AARS2: variants seen among roughly 807,000 people sequenced by gnomAD.
AARS2 encodes alanine--tRNA ligase, mitochondrial.
AARS2 carries 78 observed loss-of-function variants against 119.7 expected under a neutral mutation model. The ratio of observed to expected loss-of-function variants is 0.65; its 90% CI spans 0.54 to 0.79. The LOEUF is 0.79. Among genes scored for constraint, AARS2 ranks in the 30% least tolerant of loss-of-function variants. The probability of loss-of-function intolerance (pLI) is 0.00; values close to 1 mark genes in which losing one functional copy is unlikely to be tolerated. For synonymous variants in AARS2, 502 were observed against 526.3 expected, an observed-to-expected ratio of 0.95 and a Z score of 0.63; for missense variants, 1,157 against 1,291.3, an observed-to-expected ratio of 0.90 and a Z score of 1.59.
chr6:44,312,355 G>A (rs1786435834), intron 1 of AARS2, 92 bp from the exon 2 acceptor site: 1 of 1,332,498 alleles, frequency 7.5e-7, no homozygotes. Flanking sequence ...TGGCTGTTCA[G>A]ACCGAAGGCT....
chr6:44,300,866 G>A lies in AARS2; in HGVS notation c.2794-155C>T, dbSNP rs915992813. 31 of 1,015,002 alleles carry A rather than the reference G, an allele frequency of 3.1e-5. No individual in the cohort carries two copies. The East Asian group carries it at 7.8e-4, about 26-fold the overall frequency. 62.9% of individuals were successfully genotyped at this position (1,015,002 alleles called of 1,614,324 possible). Reference sequence around the variant, plus strand: ...TCAGGTGATGAGCCGGAGAAGGTTTGGGCTGGAAATGTGTGTGGGGAGGTG... The same window carrying A: ...TCAGGTGATGAGCCGGAGAAGGTTTAGGCTGGAAATGTGTGTGGGGAGGTG... On this transcript the variant is annotated intron_variant, in intron 21 of 21. Transcript: ENST00000244571.
intron 2 of AARS2, 105 bp downstream of exon 2, chr6:44,311,967 C>T: frequency 7.2e-7 from 1 of 1,396,372 alleles, no homozygotes; most frequent in South Asian, 1.2e-5. Flanking sequence ...TCAACTAGCA[C>T]TTTGCCTCCA....
intron 5 of AARS2, among the ~76,000 whole-genome samples, chr6:44,308,340 C>T (rs1475391214): frequency 6.6e-6 from 1 of 152,070 alleles, no homozygotes; most frequent in Admixed American, 6.5e-5. Context: ...GAGTTTGAGA[C>T]CAGCCTGGCC....
chr6:44,306,944 T>C lies in AARS2; in HGVS notation c.1128A>G (p.Val376=). The change falls in exon 7 of 22, where the codon GTA becomes GTG. Residue 376 remains valine, a synonymous_variant. Coordinates refer to ENST00000244571, the MANE Select transcript of AARS2 (RefSeq NM_020745.4). ...KAPPGFLGSL[V]PVVVETLGDA... The stretch of plus-strand genomic sequence containing the variant: ...TTACCAGTGTCTCCACCACTACAGG[T>C]ACCAGGCTGCCTAGGAAGCCAGGTG... 2 of 1,613,868 alleles carry C rather than the reference T, an allele frequency of 1.2e-6. No homozygotes were observed. The highest frequency in any genetic ancestry group is 8.5e-7 in the Non-Finnish European group (1 of 1,179,820).
chr6:44,301,036 C>T, intron 21 of AARS2, 120 bp downstream of exon 21: 6 of 945,718 alleles, frequency 6.3e-6, no homozygotes, highest in Non-Finnish European at 9.6e-6. Flanking sequence ...CCTGGAGTAT[C>T]CTCATAGATA....
chr6:44,312,830 C>T (rs1786480993), intron 1 of AARS2, among the ~76,000 whole-genome samples: 1 of 152,160 alleles, frequency 6.6e-6, no homozygotes, highest in Non-Finnish European at 1.5e-5. Context: ...AGACTTCTCC[C>T]TCGGGATTCC....
At position 44,303,367 on chromosome 6, in the gene AARS2, C is replaced by T. The variant is rs1785528776; in HGVS notation, c.2064G>A (p.Val688=). The T allele has an allele frequency of 6.2e-7, 1 of 1,613,898 alleles. No homozygotes were observed. Among genetic ancestry groups the T allele is most frequent in the African/African-American group, 1.3e-5 (1 of 74,926 alleles). Residue 688 remains valine, a synonymous_variant, in exon 15 of 22, where the codon GTG becomes GTA. Transcript: ENST00000244571. ...RAVENTVQEA[V]GQDEAVYMEE... ...CCATGTACACAGCCTCATCCTGCCC[C>T]ACGGCCTCCTGCACAGTGTTCTCCA...
At chr6:44,304,841 T>A in intron 11 of AARS2, 24 bp from the exon 12 acceptor site, 1 of 1,613,860 alleles carries the variant, frequency 6.2e-7, no homozygotes. Context: ...GAATGGTTAT[T>A]AGTGGTGGGC....
intron 21 of AARS2, 55 bp from the exon 22 acceptor site, chr6:44,300,766 C>CCA: frequency 6.3e-7 from 1 of 1,591,262 alleles, no homozygotes; most frequent in Non-Finnish European, 8.5e-7. Context: ...CTGCCAGCAT[C>CCA]CACTCAAGGT....
Position 44,305,928 on chromosome 6 carries a change from C to T in AARS2, c.1301-142G>A, listed in dbSNP as rs116119977. ...ATACCCGCTCCATACTGGGTAGCCT[C>T]AGGAGAGGGGTCACATTCAGGCTTC... On this transcript the variant is annotated intron_variant, in intron 9 of 21. Coordinates refer to ENST00000244571, the MANE Select transcript of AARS2 (RefSeq NM_020745.4). The surrounding 1 kb of genome is among the most constrained non-coding windows in gnomAD (Gnocchi z 4.6). The T allele has an allele frequency of 7.2e-5, 76 of 1,058,758 alleles. No homozygotes were observed. The African/African-American group carries it at 1.1e-3, about 16-fold the overall frequency. The allele number at this position is 1,058,758 out of a possible 1,614,324, so 65.6% of individuals were successfully genotyped here.
intron 4 of AARS2, 39 bp from the exon 5 acceptor site, chr6:44,310,482 G>T: frequency 6.2e-7 from 1 of 1,610,050 alleles, no homozygotes; most frequent in Non-Finnish European, 8.5e-7. Flanking sequence ...CCCCACCCAG[G>T]ATTACAGGTG....
chr6:44,301,361 C>G lies in AARS2; in HGVS notation c.2682+20G>C. 6.2e-7 allele frequency: 1 copy of G among 1,613,974 alleles called. No individual in the cohort carries two copies. The highest frequency in any genetic ancestry group is 8.5e-7 in the Non-Finnish European group (1 of 1,179,998). Reference sequence around the variant, plus strand: ...TGCCCTCCCCAGACCCTGGGGCAGCCCGGCTTGGCTAGCACTCACTGAGAG... The same window carrying G: ...TGCCCTCCCCAGACCCTGGGGCAGCGCGGCTTGGCTAGCACTCACTGAGAG... On this transcript the variant is annotated intron_variant, in intron 20 of 21. Coordinates refer to ENST00000244571, the MANE Select transcript of AARS2 (RefSeq NM_020745.4).
At chr6:44,304,017 C>A (rs537969397) in intron 14 of AARS2, among the ~76,000 whole-genome samples, 164 bp downstream of exon 14, 1 of 152,332 alleles carries the variant, frequency 6.6e-6, no homozygotes, top group South Asian at 2.1e-4. Flanking sequence ...CTCACTGCTG[C>A]ACAAGGAGCC....
chr6:44,302,867 C>G lies in AARS2; in HGVS notation c.2299G>C (p.Gly767Arg). Reference protein sequence around the residue: ...TGAVGDLVIIGDRQLSKGTTR... With the variant: ...TGAVGDLVIIRDRQLSKGTTR... ...GTGCCCTTGGAAAGCTGGCGGTCCC[C>G]GATGATAACCAGGTCCCCTACAGCC... Residue 767 changes from glycine (G) to arginine (R), a missense_variant, in exon 17 of 22, where the codon GGG becomes CGG. Coordinates refer to ENST00000244571, the MANE Select transcript of AARS2 (RefSeq NM_020745.4). 1 of 1,614,132 alleles carries G rather than the reference C, an allele frequency of 6.2e-7. No homozygotes were observed.
Position 44,312,166 on chromosome 6 carries a change from T to C in AARS2, c.341A>G (p.His114Arg). ...ACCCACATCTTCCAGGTCGTTATGG[T>C]GTCCTCCAGCTCTCACACATTTCTG... ...NSQKCVRAGGHHNDLEDVGRD... is the reference protein window; with the variant it reads ...NSQKCVRAGGRHNDLEDVGRD... The change falls in exon 2 of 22, where the codon CAC becomes CGC. Residue 114 changes from histidine (H) to arginine (R), a missense_variant. Physicochemically the swap from His to Arg is conservative, Grantham distance 29. Transcript: ENST00000244571. 6.2e-7 allele frequency: 1 copy of C among 1,614,258 alleles called. No homozygotes were observed. Among genetic ancestry groups the C allele is most frequent in the Non-Finnish European group, 8.5e-7 (1 of 1,180,054 alleles).
chr6:44,307,329 C>T lies in AARS2; in HGVS notation c.960G>A (p.Ala320=), dbSNP rs775818472. ...GVADEGRTDT[A]YRVVADHIRT... ...GGATGTGGTCAGCCACCACGCGGTA[C>T]GCTGTGTCTGTGCGCCCCTCGTCTG... The change falls in exon 6 of 22, where the codon GCG becomes GCA. Residue 320 remains alanine, a synonymous_variant. Transcript: ENST00000244571. This position sits in a 1 kb window ranked among gnomAD's most constrained non-coding sequence, Gnocchi z 4.4. 1.1e-4 allele frequency: 182 copies of T among 1,613,332 alleles called. 2 individuals carry two copies. In the Admixed American group the frequency reaches 2.6e-3, roughly 23 times the overall value.
chr6:44,308,842 T>A (rs1786096800), intron 5 of AARS2, among the ~76,000 whole-genome samples: 1 of 152,020 alleles, frequency 6.6e-6, no homozygotes, highest in African/African-American at 2.4e-5. Context: ...CCTCAAGCGA[T>A]CCGCCCCCCT....
At position 44,307,652 on chromosome 6, in the gene AARS2, T is replaced by G; in HGVS notation, c.895-258A>C. 1.8e-6 allele frequency: 1 copy of G among 565,896 alleles called. No individual in the cohort carries two copies. Among genetic ancestry groups the G allele is most frequent in the Non-Finnish European group, 3.2e-6 (1 of 316,548 alleles). 35.1% of individuals were successfully genotyped at this position (565,896 alleles called of 1,614,324 possible). On this transcript the variant is annotated intron_variant, in intron 5 of 21. Coordinates refer to ENST00000244571, the MANE Select transcript of AARS2 (RefSeq NM_020745.4). This position sits in a 1 kb window ranked among gnomAD's most constrained non-coding sequence, Gnocchi z 4.4. ...CTACTATCAGAACTGGGTGAGTACT[T>G]GAACAACATGGCCTCGAATCCCCAA...
At chr6:44,312,687 A>G (rs1201097450) in intron 1 of AARS2, among the ~76,000 whole-genome samples, 1 of 152,226 alleles carries the variant, frequency 6.6e-6, no homozygotes, top group Non-Finnish European at 1.5e-5. Flanking sequence ...ACAGATGAGG[A>G]CAATGAAGTC....
Sources: gnomAD v4.1 joint callset for allele counts (sites outside exome capture counted in the v4.1 genomes callset) on GRCh38, gnomAD v4.1.1 for gene constraint, Gnocchi (gnomAD v3.1) non-coding constraint, MANE v1.5 for transcripts, NCBI Gene and HGNC (gene_info 2026-07-23, HGNC 2026-07-21) for gene names.